Variants in RABGAP1L observed in about 807,000 individuals in gnomAD.
The protein encoded by RABGAP1L is rab GTPase-activating protein 1-like.
Under a neutral mutation model 137.7 loss-of-function variants are expected in RABGAP1L, and 63 were observed. The observed-to-expected ratio is 0.46, with a 90% CI of 0.37 to 0.56. The LOEUF (loss-of-function observed/expected upper bound fraction) is 0.56, where lower values mean the gene tolerates loss of function less well. Ranked by LOEUF, RABGAP1L falls within the 20% of genes least tolerant of loss-of-function variation. The pLI is 0.00. For synonymous variants in RABGAP1L, 431 were observed against 433.7 expected (o/e 0.99, Z 0.08); for missense variants, 1,095 against 1,244.0 (o/e 0.88, Z 1.80).
chr1:174,437,866 A>T (rs903886231), intron 13 of RABGAP1L, among the ~76,000 whole-genome samples: 1 of 152,226 alleles, frequency 6.6e-6, no homozygotes, highest in African/African-American at 2.4e-5. Context: ...CTAACAGCTG[A>T]TCTCTCGGCA....
At chr1:174,345,248 T>C (rs538039389) in intron 11 of RABGAP1L, among the ~76,000 whole-genome samples, 1 of 152,180 alleles carries the variant, frequency 6.6e-6, no homozygotes, top group Non-Finnish European at 1.5e-5. Context: ...TTCTTTTTGC[T>C]TAGGATGGCC....
In RABGAP1L at chr1:174,509,371, TATTTATATAC is replaced by T. The variant is rs567371063; in HGVS notation, c.1710+115229_1710+115238del. Among the ~76,000 whole-genome samples, 45 of 152,332 alleles carry T rather than the reference TATTTATATAC, an allele frequency of 3.0e-4. No homozygotes were observed. In the East Asian group the frequency reaches 3.5e-3, roughly 12 times the overall value. ...TTTTGTCTTATATCAACTTTTTGTA[TATTTATATAC>T]ATAATCACCTAACTCCTACCTCCTC... On this transcript the variant is annotated intron_variant, in intron 13 of 25. Coordinates refer to ENST00000681986, the MANE Select transcript of RABGAP1L (RefSeq NM_001366446.1).
chr1:174,826,246 T>G (rs1691552904), intron 19 of RABGAP1L, among the ~76,000 whole-genome samples: 2 of 152,226 alleles, frequency 1.3e-5, no homozygotes, highest in South Asian at 2.1e-4. Context: ...TTTTCTTTTT[T>G]TGGAGACAGA....
chr1:174,167,421 A>G (rs1665005989), intron 1 of RABGAP1L, among the ~76,000 whole-genome samples: 1 of 152,236 alleles, frequency 6.6e-6, no homozygotes, highest in South Asian at 2.1e-4. Context: ...ATATTTACAT[A>G]TCATTAGTTC....
At chr1:174,453,138 G>T (rs1466205002) in intron 13 of RABGAP1L, among the ~76,000 whole-genome samples, 1 of 152,184 alleles carries the variant, frequency 6.6e-6, no homozygotes, top group Non-Finnish European at 1.5e-5. Flanking sequence ...AGACAGGCAT[G>T]ATTCTGAGGT....
intron 1 of RABGAP1L, among the ~76,000 whole-genome samples, chr1:174,215,476 TAATAA>T (rs926194817): frequency 4.4e-5 from 4 of 91,940 alleles, no homozygotes; most frequent in South Asian, 3.6e-4. Flanking sequence ...AAAATAATAA[TAATAA>T]AATAAAATCT....
intron 7 of RABGAP1L, among the ~76,000 whole-genome samples, chr1:174,255,293 T>A (rs529480136): frequency 6.6e-6 from 1 of 152,320 alleles, no homozygotes; most frequent in South Asian, 2.1e-4. Flanking sequence ...CAAAAGAATA[T>A]GATTATATTT....
At chr1:174,444,521 A>T (rs556308723) in intron 13 of RABGAP1L, among the ~76,000 whole-genome samples, 1 of 152,150 alleles carries the variant, frequency 6.6e-6, no homozygotes, top group South Asian at 2.1e-4. Flanking sequence ...AGTTGGTATT[A>T]GTTCTTCTTT....
At chr1:174,866,203 C>G (rs907440020) in intron 19 of RABGAP1L, among the ~76,000 whole-genome samples, 2 of 141,308 alleles carry the variant, frequency 1.4e-5, no homozygotes, top group Admixed American at 1.4e-4. Flanking sequence ...AAACTTCAAC[C>G]ATAACGTTTA....
chr1:174,877,156 G>A (rs1282635437), intron 19 of RABGAP1L, among the ~76,000 whole-genome samples: 1 of 151,972 alleles, frequency 6.6e-6, no homozygotes, highest in East Asian at 1.9e-4. Context: ...GATATTTCTA[G>A]TTAGGAAACT....
intron 13 of RABGAP1L, among the ~76,000 whole-genome samples, chr1:174,574,045 A>G (rs913492986): frequency 2.6e-5 from 4 of 152,224 alleles, no homozygotes; most frequent in Non-Finnish European, 5.9e-5. Flanking sequence ...TAACATACAC[A>G]TAAGAGGCAT....
At chr1:174,898,840 C>T (rs1173748910) in intron 19 of RABGAP1L, among the ~76,000 whole-genome samples, 1 of 152,084 alleles carries the variant, frequency 6.6e-6, no homozygotes, top group Admixed American at 6.6e-5. Flanking sequence ...TGTGTTAGTG[C>T]TAAGACTAAA....
At chr1:174,194,692 C>T (rs756267335) in intron 1 of RABGAP1L, among the ~76,000 whole-genome samples, 7 of 152,108 alleles carry the variant, frequency 4.6e-5, no homozygotes, top group Non-Finnish European at 8.8e-5. Flanking sequence ...GCCTTAGCCA[C>T]AGTCTCTTGA....
intron 11 of RABGAP1L, among the ~76,000 whole-genome samples, chr1:174,351,927 A>G (rs921004846): frequency 4.6e-5 from 7 of 151,792 alleles, no homozygotes; most frequent in African/African-American, 1.7e-4. Context: ...TCAGCCTCCC[A>G]GGTAGCTGGG....
chr1:174,907,456 G>A (rs1029230142), intron 19 of RABGAP1L, among the ~76,000 whole-genome samples: 3 of 151,964 alleles, frequency 2.0e-5, no homozygotes, highest in African/African-American at 7.2e-5. Flanking sequence ...GGGACTGCAG[G>A]TGTGTGCCAC....
chr1:174,960,883 T>C (rs900408287), intron 20 of RABGAP1L, among the ~76,000 whole-genome samples: 1 of 152,204 alleles, frequency 6.6e-6, no homozygotes, highest in Non-Finnish European at 1.5e-5. Context: ...ACATATGTTG[T>C]ACATTATATG....
intron 14 of RABGAP1L, among the ~76,000 whole-genome samples, chr1:174,660,173 C>T (rs1223066497): frequency 1.3e-5 from 2 of 152,138 alleles, no homozygotes; most frequent in African/African-American, 2.4e-5. Context: ...ACCTTGTTCG[C>T]TCTCCACCAG....
chr1:174,667,224 T>C (rs193189420), intron 14 of RABGAP1L, among the ~76,000 whole-genome samples: 267 of 152,280 alleles, frequency 1.8e-3, no homozygotes, highest in Non-Finnish European at 3.1e-3. Flanking sequence ...GATTGTTATT[T>C]TTCCTTTTGA....
At chr1:174,666,623 C>T (rs114384309) in intron 14 of RABGAP1L, among the ~76,000 whole-genome samples, 3,377 of 152,226 alleles carry the variant, frequency 0.022, 56 homozygotes, top group Middle Eastern at 0.085. Context: ...AGAGAACATC[C>T]TTTGATTTCC....
Sources: gnomAD v4.1 joint callset for allele counts (sites outside exome capture counted in the v4.1 genomes callset) on GRCh38, gnomAD v4.1.1 for gene constraint, MANE v1.5 for transcripts, NCBI Gene and HGNC (gene_info 2026-07-23, HGNC 2026-07-21) for gene names.